Variants in SRPK2 observed in about 807,000 individuals in gnomAD.
SRPK2 encodes SRSF protein kinase 2.
Under a neutral mutation model 90.8 loss-of-function variants are expected in SRPK2, and 21 were observed. That is an observed-to-expected ratio of 0.23 (90% CI 0.16 to 0.33). SRPK2 has a LOEUF of 0.33. SRPK2 is among the 10% of genes least tolerant of loss of function. The pLI is 1.00. For missense variants in SRPK2, 620 were observed against 869.0 expected (o/e 0.71, Z 3.60); for synonymous variants, 288 against 311.1 (o/e 0.93, Z 0.78).
chr7:105,295,194 G>C (rs554089814), intron 2 of SRPK2, among the ~76,000 whole-genome samples: 1 of 134,154 alleles, frequency 7.5e-6, no homozygotes, highest in South Asian at 2.6e-4. Context: ...CTGGGTGACA[G>C]AGCGAGAACC....
At chr7:105,321,023 A>G (rs1812878752) in intron 2 of SRPK2, among the ~76,000 whole-genome samples, 2 of 152,138 alleles carry the variant, frequency 1.3e-5, no homozygotes, top group Admixed American at 1.3e-4. Flanking sequence ...TGAAGAGACA[A>G]GGTCTTGCTA....
At chr7:105,301,752 C>A in intron 2 of SRPK2, 1 of 1,600,666 alleles carries the variant, frequency 6.2e-7, no homozygotes, top group Non-Finnish European at 8.6e-7. Flanking sequence ...AGCTGTAAAG[C>A]AGAGTATATT....
chr7:105,169,673 G>A (rs993225557), intron 3 of SRPK2, among the ~76,000 whole-genome samples: 5 of 152,170 alleles, frequency 3.3e-5, no homozygotes, highest in African/African-American at 1.2e-4. Flanking sequence ...GCTGCAATGA[G>A]CCTGAGTGAA....
At chr7:105,149,474 G>A (rs1046597316) in intron 7 of SRPK2, among the ~76,000 whole-genome samples, 21 of 151,448 alleles carry the variant, frequency 1.4e-4, no homozygotes, top group East Asian at 7.7e-4. Flanking sequence ...AAATAATGAA[G>A]ATAATAATCA....
chr7:105,238,700 T>C (rs1800431282), intron 2 of SRPK2, among the ~76,000 whole-genome samples: 2 of 152,350 alleles, frequency 1.3e-5, no homozygotes, highest in South Asian at 4.1e-4. Flanking sequence ...AGCTTCACCA[T>C]TACACAGTCA....
chr7:105,154,531 A>G (rs1806206284), intron 7 of SRPK2, among the ~76,000 whole-genome samples: 1 of 152,190 alleles, frequency 6.6e-6, no homozygotes, highest in African/African-American at 2.4e-5. Context: ...AGCCAATGAT[A>G]CAGGTGAGAG....
chr7:105,209,824 C>T (rs1228324107), intron 2 of SRPK2, among the ~76,000 whole-genome samples: 1 of 152,034 alleles, frequency 6.6e-6, no homozygotes, highest in African/African-American at 2.4e-5. Context: ...ATTCCACTAG[C>T]TACTTATATT....
chr7:105,198,594 AG>A (rs1027995398), intron 3 of SRPK2, among the ~76,000 whole-genome samples: 2 of 152,214 alleles, frequency 1.3e-5, no homozygotes, highest in African/African-American at 2.4e-5. Flanking sequence ...AGACACGGTC[AG>A]GGAGTTAAGG....
At chr7:105,375,536 T>C (rs1018418075) in intron 2 of SRPK2, among the ~76,000 whole-genome samples, 3 of 151,844 alleles carry the variant, frequency 2.0e-5, no homozygotes, top group African/African-American at 7.3e-5. Flanking sequence ...GAAAAGAAAA[T>C]GTATTCAAAA....
At chr7:105,325,901 T>C (rs1353960012) in intron 2 of SRPK2, among the ~76,000 whole-genome samples, 2 of 152,182 alleles carry the variant, frequency 1.3e-5, no homozygotes, top group African/African-American at 4.8e-5. Flanking sequence ...CTACCATCTG[T>C]GGGACTACGA....
chr7:105,278,404 T>C lies in SRPK2; in HGVS notation c.72-74619A>G, dbSNP rs1256765090. Among the ~76,000 whole-genome samples, 3 of 147,264 alleles carry C rather than the reference T, an allele frequency of 2.0e-5. No individual in the cohort carries two copies. In the Admixed American group the frequency reaches 2.0e-4, roughly 10 times the overall value. On this transcript the variant is annotated intron_variant, in intron 2 of 15. Coordinates refer to ENST00000393651, the MANE Select transcript of SRPK2 (RefSeq NM_182692.3). ...TTTGCAAAAATGAGGCTGGGCGCAG[T>C]GGCTCACAACTGTAATCCCAGCACT...
chr7:105,333,137 T>C (rs1814642236), intron 2 of SRPK2, among the ~76,000 whole-genome samples: 2 of 152,168 alleles, frequency 1.3e-5, no homozygotes, highest in Non-Finnish European at 2.9e-5. Flanking sequence ...GAGGTTGCAG[T>C]GAGCCCAGAT....
chr7:105,341,231 G>A (rs900724702), intron 2 of SRPK2, among the ~76,000 whole-genome samples: 4 of 152,010 alleles, frequency 2.6e-5, no homozygotes, highest in Non-Finnish European at 4.4e-5. Flanking sequence ...AGGCGTGATG[G>A]CGCAGGCCTA....
intron 2 of SRPK2, among the ~76,000 whole-genome samples, chr7:105,247,477 C>T (rs543934500): frequency 1.3e-5 from 2 of 151,322 alleles, no homozygotes; most frequent in African/African-American, 4.9e-5. Context: ...AATGCCTACA[C>T]AACTACAAAT....
chr7:105,115,426 A>G (rs907498001), downstream of SRPK2: 1 of 152,214 alleles, frequency 6.6e-6, no homozygotes, highest in Non-Finnish European at 1.5e-5. Flanking sequence ...GCCAACTTCT[A>G]GATAGCCAGC....
At chr7:105,279,006 A>G (rs762897175) in intron 2 of SRPK2, among the ~76,000 whole-genome samples, 17 of 152,180 alleles carry the variant, frequency 1.1e-4, no homozygotes, top group Admixed American at 6.5e-5. Flanking sequence ...TTTAAATAAA[A>G]TAGGCTTACT....
At chr7:105,252,169 A>T (rs1020280265) in intron 2 of SRPK2, among the ~76,000 whole-genome samples, 14 of 152,358 alleles carry the variant, frequency 9.2e-5, no homozygotes, top group African/African-American at 3.1e-4. Flanking sequence ...AAAATAAAAA[A>T]TGCTCAAAAT....
At chr7:105,275,739 C>A (rs966895394) in intron 2 of SRPK2, among the ~76,000 whole-genome samples, 3 of 152,072 alleles carry the variant, frequency 2.0e-5, no homozygotes, top group Admixed American at 2.0e-4. Flanking sequence ...GGTGGTGCTT[C>A]AAAGATACAG....
At chr7:105,328,687 AC>A (rs1211021091) in intron 2 of SRPK2, among the ~76,000 whole-genome samples, 1 of 151,408 alleles carries the variant, frequency 6.6e-6, no homozygotes, top group Non-Finnish European at 1.5e-5. Flanking sequence ...ACACGGTGAA[AC>A]CCCATCTCTA....
Sources: gnomAD v4.1 joint callset for allele counts (sites outside exome capture counted in the v4.1 genomes callset) on GRCh38, gnomAD v4.1.1 for gene constraint, MANE v1.5 for transcripts, NCBI Gene and HGNC (gene_info 2026-07-23, HGNC 2026-07-21) for gene names.